PARD3B: variants seen among roughly 807,000 people sequenced by gnomAD.
PARD3B encodes the protein partitioning defective 3 homolog B.
In PARD3B, 103 loss-of-function variants were observed where a neutral mutation model predicts 130.2. The observed-to-expected ratio is 0.79, with a 90% confidence interval of 0.67 to 0.93. The LOEUF (loss-of-function observed/expected upper bound fraction) is 0.93. Ranked by LOEUF, PARD3B falls within the 40% of genes least tolerant of loss-of-function variation. The pLI, the probability that PARD3B is intolerant of heterozygous loss-of-function variation, is 0.00. For missense variants in PARD3B, 1,609 were observed against 1,499.2 expected (o/e 1.07, Z -1.21); for synonymous variants, 583 against 553.2 (o/e 1.05, Z -0.76).
At chr2:204,621,292 A>AT (rs201705450) in intron 1 of PARD3B, among the ~76,000 whole-genome samples, 3,192 of 151,906 alleles carry the variant, frequency 0.021, 102 homozygotes, top group South Asian at 0.14. Flanking sequence ...GTGGATGTGT[A>AT]TTCTTTTTTT....
intron 22 of PARD3B, among the ~76,000 whole-genome samples, chr2:205,580,120 G>A (rs1358135985): frequency 6.6e-6 from 1 of 152,088 alleles, no homozygotes; most frequent in Non-Finnish European, 1.5e-5. Flanking sequence ...TTAAAAATGA[G>A]TACTTGCAAG....
intron 2 of PARD3B, among the ~76,000 whole-genome samples, chr2:204,771,423 T>C (rs1032610287): frequency 6.6e-6 from 1 of 152,098 alleles, no homozygotes; most frequent in South Asian, 2.1e-4. Flanking sequence ...CTGAGAACAC[T>C]ATGTTTTAAT....
rs1238050752 is a variant in PARD3B at position 204,965,303 on chromosome 2, C to A, written c.374C>A (p.Thr125Asn). The A allele has an allele frequency of 1.9e-6, 3 of 1,613,662 alleles. No individual in the cohort carries two copies. Among genetic ancestry groups the A allele is most frequent in the Middle Eastern group, 1.6e-4 (1 of 6,076 alleles). The change falls in exon 3 of 23, where the codon ACC becomes AAC. Residue 125 changes from threonine to asparagine, a missense_variant. Coordinates refer to ENST00000406610, the MANE Select transcript of PARD3B (RefSeq NM_001302769.2). ...CCAATTGGTGGGGAGATTGAAGTAA[C>A]CCCTTCTGCTCTAAAACTAGGTATG... The part of the protein sequence containing the change: ...FKPIGGEIEV[T>N]PSALKLGTPL...
At chr2:204,566,971 C>T (rs183455198) in intron 1 of PARD3B, among the ~76,000 whole-genome samples, 13 of 152,124 alleles carry the variant, frequency 8.5e-5, no homozygotes, top group Non-Finnish European at 1.8e-4. Flanking sequence ...CTCCGCCTCC[C>T]AGGTTCAAGT....
At chr2:205,242,211 C>T in intron 15 of PARD3B, among the ~76,000 whole-genome samples, 1 of 120,678 alleles carries the variant, frequency 8.3e-6, no homozygotes, top group African/African-American at 3.5e-5. Flanking sequence ...GCCTATCACC[C>T]ATTTGGATTT....
intron 2 of PARD3B, among the ~76,000 whole-genome samples, chr2:204,762,116 A>ATTTTTTTTTTTTTTTTTT (rs968166780): frequency 7.3e-5 from 7 of 95,378 alleles, no homozygotes; most frequent in Non-Finnish European, 8.2e-5. Flanking sequence ...TTCTTTTTCT[A>ATTTTTTTTTTTTTTTTTT]TTTTTTTTTT....
chr2:205,512,954 A>AGTTTT (rs3077799), intron 21 of PARD3B, among the ~76,000 whole-genome samples: 142,133 of 151,210 alleles, frequency 0.94, 67,415 homozygotes, highest in East Asian at 1. Context: ...AATTTATTTT[A>AGTTTT]AAGTTTTTAT....
chr2:205,528,323 C>T (rs1449392154), intron 21 of PARD3B, among the ~76,000 whole-genome samples: 2 of 152,138 alleles, frequency 1.3e-5, no homozygotes, highest in Non-Finnish European at 2.9e-5. Flanking sequence ...TTGTGCCCAA[C>T]CTCATGCTGA....
At chr2:204,553,516 G>A (rs1200567502) in intron 1 of PARD3B, among the ~76,000 whole-genome samples, 1 of 148,178 alleles carries the variant, frequency 6.7e-6, no homozygotes, top group Admixed American at 6.8e-5. Context: ...ACCAGTCAAC[G>A]AGTGGGTAAA....
intron 2 of PARD3B, among the ~76,000 whole-genome samples, chr2:204,911,097 T>C (rs2047219418): frequency 1.3e-5 from 2 of 152,204 alleles, no homozygotes; most frequent in South Asian, 4.1e-4. Context: ...ACACCCTTTT[T>C]TCCTCATGTG....
At chr2:204,733,476 A>G in intron 2 of PARD3B, among the ~76,000 whole-genome samples, 1 of 108,026 alleles carries the variant, frequency 9.3e-6, no homozygotes. Flanking sequence ...AAACCTTGAC[A>G]GGCTTTTTTT....
intron 1 of PARD3B, among the ~76,000 whole-genome samples, chr2:204,564,090 A>G (rs1028585831): frequency 6.6e-6 from 1 of 152,138 alleles, no homozygotes; most frequent in African/African-American, 2.4e-5. Context: ...CTGCTTTATT[A>G]AGCATTGATT....
intron 20 of PARD3B, among the ~76,000 whole-genome samples, chr2:205,441,871 G>T (rs1431416547): frequency 6.6e-6 from 1 of 152,130 alleles, no homozygotes; most frequent in Non-Finnish European, 1.5e-5. Context: ...AAGAAAGATG[G>T]TGAAGTTTTT....
chr2:205,402,899 G>A (rs563312724), intron 19 of PARD3B, among the ~76,000 whole-genome samples: 1 of 152,218 alleles, frequency 6.6e-6, no homozygotes, highest in Admixed American at 6.5e-5. Context: ...TTTATGGTTG[G>A]GTGCTATAGA....
Position 205,125,803 on chromosome 2 carries a change from T to C in PARD3B, c.1434+66T>C. 6.4e-7 allele frequency: 1 copy of C among 1,559,266 alleles called. No individual in the cohort carries two copies. The highest frequency in any genetic ancestry group is 8.7e-7 in the Non-Finnish European group (1 of 1,146,836). On this transcript the variant is annotated intron_variant, in intron 10 of 22. Coordinates refer to ENST00000406610, the MANE Select transcript of PARD3B (RefSeq NM_001302769.2). The surrounding 1 kb of genome is among the most constrained non-coding windows in gnomAD (Gnocchi z 4.0). ...AGCTTAATACACTCAATGAACTCAT[T>C]ATAGCTGAGAAACGAGTTCTAAATC...
intron 21 of PARD3B, among the ~76,000 whole-genome samples, chr2:205,509,388 C>T (rs1304840954): frequency 6.6e-6 from 1 of 152,098 alleles, no homozygotes; most frequent in Non-Finnish European, 1.5e-5. Flanking sequence ...TTGGGATACT[C>T]TCTGGGCCCT....
At chr2:205,252,853 C>CCAAAA (rs2039916027) in intron 16 of PARD3B, among the ~76,000 whole-genome samples, 1 of 80,454 alleles carries the variant, frequency 1.2e-5, no homozygotes, top group Non-Finnish European at 2.4e-5. Flanking sequence ...CCCCCCCCAC[C>CCAAAA]AAAAAAAAAA....
At chr2:204,855,739 T>A (rs1395232662) in intron 2 of PARD3B, among the ~76,000 whole-genome samples, 1 of 152,050 alleles carries the variant, frequency 6.6e-6, no homozygotes, top group Non-Finnish European at 1.5e-5. Flanking sequence ...GGTACCCACC[T>A]TTGTACTCTC....
At chr2:204,930,848 C>T (rs1687977005) in intron 2 of PARD3B, among the ~76,000 whole-genome samples, 1 of 152,096 alleles carries the variant, frequency 6.6e-6, no homozygotes, top group Non-Finnish European at 1.5e-5. Flanking sequence ...AGATCAATAG[C>T]TTGTCTTACG....
Sources: allele counts gnomAD v4.1 joint callset (sites outside exome capture counted in the v4.1 genomes callset), GRCh38; gene constraint gnomAD v4.1.1; non-coding constraint Gnocchi (gnomAD v3.1); transcripts MANE v1.5; gene names NCBI Gene and HGNC (gene_info 2026-07-23, HGNC 2026-07-21).